The following GPC5 variants were observed in gnomAD, a reference collection of about 807,000 sequenced individuals.
The protein encoded by GPC5 is glypican 5, also known as glypican-5.
A neutral mutation model predicts 53.9 loss-of-function variants in GPC5; 47 were observed. The observed-to-expected ratio is 0.87, with a 90% CI of 0.69 to 1.11. The LOEUF (loss-of-function observed/expected upper bound fraction) is 1.11, where lower values mean the gene tolerates loss of function less well. Ranked by LOEUF, GPC5 falls within the 50% of genes most tolerant of loss-of-function variation. The pLI is 0.00. For synonymous variants in GPC5, 286 were observed against 263.3 expected (o/e 1.09, Z -0.84); for missense variants, 748 against 713.1 (o/e 1.05, Z -0.56).
At chr13:91,989,780 C>T (rs1947120993) in intron 6 of GPC5, among the ~76,000 whole-genome samples, 1 of 152,064 alleles carries the variant, frequency 6.6e-6, no homozygotes, top group Admixed American at 6.6e-5. Flanking sequence ...ACAATAATTA[C>T]TATGAATGCT....
intron 2 of GPC5, among the ~76,000 whole-genome samples, chr13:91,542,892 T>A (rs2138760540): frequency 7.0e-6 from 1 of 143,278 alleles, no homozygotes; most frequent in Non-Finnish European, 1.5e-5. Context: ...ATTCTTGCTC[T>A]GTCGCCCAGG....
chr13:92,715,221 AGACTT>A (rs1327305386), intron 7 of GPC5, among the ~76,000 whole-genome samples: 6 of 152,214 alleles, frequency 3.9e-5, no homozygotes, highest in Non-Finnish European at 8.8e-5. Flanking sequence ...TCCTGAAAAA[AGACTT>A]GACTCGTCTT....
chr13:91,677,665 A>C (rs2035414832), intron 2 of GPC5, among the ~76,000 whole-genome samples: 1 of 152,216 alleles, frequency 6.6e-6, no homozygotes, highest in African/African-American at 2.4e-5. Flanking sequence ...TTATTTTAAA[A>C]ATTCTTGAAT....
chr13:92,498,679 C>T (rs1256861723), intron 7 of GPC5, among the ~76,000 whole-genome samples: 3 of 152,138 alleles, frequency 2.0e-5, no homozygotes, highest in East Asian at 1.9e-4. Context: ...TGACTAGCTA[C>T]GTACTATAAT....
chr13:92,044,023 G>T (rs915059407), intron 6 of GPC5, among the ~76,000 whole-genome samples: 1 of 152,142 alleles, frequency 6.6e-6, no homozygotes, highest in African/African-American at 2.4e-5. Flanking sequence ...ATAACAAAAT[G>T]TGTCCCCTTT....
At chr13:92,668,046 T>G (rs1886632549) in intron 7 of GPC5, among the ~76,000 whole-genome samples, 1 of 152,218 alleles carries the variant, frequency 6.6e-6, no homozygotes, top group African/African-American at 2.4e-5. Context: ...TTCTTTAAAC[T>G]TTGGTTTCAT....
chr13:92,017,308 C>A (rs9560897), intron 6 of GPC5, among the ~76,000 whole-genome samples: 60,145 of 151,884 alleles, frequency 0.4, 12,775 homozygotes, highest in Admixed American at 0.5. Flanking sequence ...TAGGCTGATC[C>A]TTTTCTGGTT....
intron 6 of GPC5, among the ~76,000 whole-genome samples, chr13:91,952,595 T>C (rs2040037408): frequency 6.6e-6 from 1 of 152,154 alleles, no homozygotes; most frequent in African/African-American, 2.4e-5. Context: ...TCTCTGGGAA[T>C]GAAGCAATAA....
chr13:91,994,353 A>G (rs7335006), intron 6 of GPC5, among the ~76,000 whole-genome samples: 5,426 of 152,260 alleles, frequency 0.036, 266 homozygotes, highest in African/African-American at 0.11. Context: ...CTACAAATAT[A>G]TATGTTGTTG....
intron 5 of GPC5, among the ~76,000 whole-genome samples, chr13:91,893,412 C>T (rs1162474644): frequency 6.6e-6 from 1 of 152,002 alleles, no homozygotes; most frequent in Non-Finnish European, 1.5e-5. Flanking sequence ...TTTATATGAG[C>T]AGGCATCTGT....
At chr13:92,614,862 G>A (rs1442390865) in intron 7 of GPC5, among the ~76,000 whole-genome samples, 5 of 152,140 alleles carry the variant, frequency 3.3e-5, no homozygotes, top group Non-Finnish European at 5.9e-5. Flanking sequence ...AAGCAAGTTC[G>A]AATTGCAGAT....
intron 4 of GPC5, among the ~76,000 whole-genome samples, chr13:91,749,525 C>T (rs1163402426): frequency 6.6e-6 from 1 of 152,084 alleles, no homozygotes; most frequent in Non-Finnish European, 1.5e-5. Flanking sequence ...ATTTATTTTC[C>T]TTTGGGTAAA....
intron 7 of GPC5, among the ~76,000 whole-genome samples, chr13:92,699,045 C>T (rs1161650050): frequency 1.3e-5 from 2 of 152,172 alleles, no homozygotes; most frequent in Middle Eastern, 3.4e-3. Context: ...GCTGTGAATC[C>T]GTCTGGTCCT....
chr13:92,230,779 G>A (rs1594018302), intron 7 of GPC5, among the ~76,000 whole-genome samples: 1 of 152,048 alleles, frequency 6.6e-6, no homozygotes, highest in Non-Finnish European at 1.5e-5. Context: ...TTTTCTTAGG[G>A]CCTACCTGGT....
At chr13:92,485,440 CT>C (rs1022040458) in intron 7 of GPC5, among the ~76,000 whole-genome samples, 4 of 151,986 alleles carry the variant, frequency 2.6e-5, no homozygotes, top group Non-Finnish European at 5.9e-5. Context: ...GTCTTTTTCT[CT>C]AATTTTTAAA....
intron 6 of GPC5, among the ~76,000 whole-genome samples, chr13:92,076,370 G>A (rs1261576894): frequency 2.6e-5 from 4 of 152,074 alleles, no homozygotes; most frequent in East Asian, 1.9e-4. Flanking sequence ...CGCGCCTGGC[G>A]AAAGTATAAT....
intron 7 of GPC5, among the ~76,000 whole-genome samples, chr13:92,610,388 A>T (rs1566318424): frequency 6.6e-6 from 1 of 152,304 alleles, no homozygotes; most frequent in East Asian, 1.9e-4. Flanking sequence ...TAAATGTTCT[A>T]ATTTCAGCTA....
intron 6 of GPC5, among the ~76,000 whole-genome samples, chr13:92,020,063 T>C (rs2040744037): frequency 6.6e-6 from 1 of 152,106 alleles, no homozygotes; most frequent in African/African-American, 2.4e-5. Flanking sequence ...TAGAGACCAC[T>C]CATATTCCTT....
chr13:92,642,887 T>G (rs1317026937), intron 7 of GPC5, among the ~76,000 whole-genome samples: 1 of 152,170 alleles, frequency 6.6e-6, no homozygotes, highest in Non-Finnish European at 1.5e-5. Context: ...CAAGGGACTT[T>G]ATGATTTTAA....
Sources: gnomAD v4.1 joint callset for allele counts (sites outside exome capture counted in the v4.1 genomes callset) on GRCh38, gnomAD v4.1.1 for gene constraint, MANE v1.5 for transcripts, NCBI Gene and HGNC (gene_info 2026-07-23, HGNC 2026-07-21) for gene names.